TRERF1: variants seen among roughly 807,000 people sequenced by gnomAD.
The protein encoded by TRERF1 is transcriptional regulating factor 1, also known as transcriptional-regulating factor 1.
In TRERF1, 27 loss-of-function variants were observed where a neutral mutation model predicts 122.9. That is an observed-to-expected ratio of 0.22 (90% confidence interval 0.16 to 0.30). TRERF1 has a LOEUF of 0.30. Ranked by LOEUF, TRERF1 falls within the 10% of genes least tolerant of loss-of-function variation. The pLI, the probability that TRERF1 is intolerant of heterozygous loss-of-function variation, is 1.00. For missense variants in TRERF1, 1,248 were observed against 1,560.3 expected (o/e 0.80, Z 3.37); for synonymous variants, 636 against 641.7 (o/e 0.99, Z 0.13).
chr6:42,446,669 T>C (rs1386204895), intron 2 of TRERF1, among the ~76,000 whole-genome samples: 2 of 152,126 alleles, frequency 1.3e-5, no homozygotes, highest in Admixed American at 6.5e-5. Context: ...AGCTGCCGCA[T>C]GTATGAAAGA....
At chr6:42,305,565 G>A (rs13201079) in intron 3 of TRERF1, among the ~76,000 whole-genome samples, 4,441 of 152,198 alleles carry the variant, frequency 0.029, 67 homozygotes, top group Non-Finnish European at 0.036. Context: ...CCACAAGGCC[G>A]TTGAAAGGAA....
At chr6:42,229,915 G>A (rs1471396642) in intron 17 of TRERF1, among the ~76,000 whole-genome samples, 1 of 152,190 alleles carries the variant, frequency 6.6e-6, no homozygotes, top group Non-Finnish European at 1.5e-5. Context: ...CAATGTTGAT[G>A]GCCGTTTCTG....
At chr6:42,315,628 T>C (rs988810211) in intron 3 of TRERF1, among the ~76,000 whole-genome samples, 1 of 151,912 alleles carries the variant, frequency 6.6e-6, no homozygotes, top group African/African-American at 2.4e-5. Context: ...AGGGGGGCCA[T>C]CGGGCTGTCT....
At chr6:42,415,009 T>G (rs979668153) in intron 2 of TRERF1, among the ~76,000 whole-genome samples, 5 of 152,254 alleles carry the variant, frequency 3.3e-5, no homozygotes, top group Non-Finnish European at 7.3e-5. Flanking sequence ...ATCCATTTAC[T>G]CTCACCAGCA....
chr6:42,269,764 C>G lies in TRERF1; in HGVS notation c.-174G>C. On this transcript the variant is annotated 5_prime_UTR_variant, in exon 5 of 18. An upstream start codon of the reference 5' UTR is lost. Transcript: ENST00000372922. This position sits in a 1 kb window ranked among gnomAD's most constrained non-coding sequence, Gnocchi z 4.9. ...GGTGTTCCTGTTGGCCTGTACCACT[C>G]ATGTGCAGGGCGGGGGGTTTCACAT... 7.0e-7 allele frequency: 1 copy of G among 1,437,646 alleles called. No individual in the cohort carries two copies. The highest frequency in any genetic ancestry group is 1.4e-5 in the African/African-American group (1 of 69,856). The allele number at this position is 1,437,646 out of a possible 1,614,324, so 89.1% of individuals were successfully genotyped here.
chr6:42,281,801 C>T (rs1013563387), intron 4 of TRERF1, among the ~76,000 whole-genome samples: 1 of 152,162 alleles, frequency 6.6e-6, no homozygotes, highest in Non-Finnish European at 1.5e-5. Context: ...AGAACAGCAA[C>T]GATGGCTAAC....
In TRERF1 at chr6:42,360,771, T is replaced by TTA. The variant is rs1771584468; in HGVS notation, c.-371+2225_-371+2226insTA. On this transcript the variant is annotated intron_variant, in intron 3 of 17. Transcript: ENST00000372922. ...CCCAGGGAGGAAGGAGTGGAGAGAT[T>TTA]AAAAAAAAAAAAAAAAAAAAAAAAA... Among the ~76,000 whole-genome samples the TTA allele has an allele frequency of 1.4e-4, 5 of 36,450 alleles. No individual in the cohort carries two copies. The South Asian group carries it at 6.8e-3, about 49-fold the overall frequency. The allele number at this position is 36,450 out of a possible 152,430, so 23.9% of individuals were successfully genotyped here. A position where few individuals can be genotyped will look rare whatever the true frequency, so the allele number is the denominator to read the frequency against.
chr6:42,312,651 C>T (rs1243242818), intron 3 of TRERF1, among the ~76,000 whole-genome samples: 1 of 152,188 alleles, frequency 6.6e-6, no homozygotes, highest in Non-Finnish European at 1.5e-5. Flanking sequence ...GATACAGATG[C>T]TCCATCCTCC....
chr6:42,390,311 G>A (rs1046413408), intron 2 of TRERF1, among the ~76,000 whole-genome samples: 4 of 151,166 alleles, frequency 2.6e-5, no homozygotes, highest in Non-Finnish European at 5.9e-5. Context: ...TGTGTGTGGA[G>A]GGGGAGTCAC....
intron 3 of TRERF1, among the ~76,000 whole-genome samples, chr6:42,305,221 AC>A (rs1786977605): frequency 6.6e-6 from 1 of 152,008 alleles, no homozygotes; most frequent in South Asian, 2.1e-4. Flanking sequence ...TTATCCCATC[AC>A]CCTGCCTCCT....
At position 42,236,292 on chromosome 6, in the gene TRERF1, G is replaced by T. The variant is rs375569710; in HGVS notation, c.2979C>A (p.Pro993=). ...GCGGCCCCTCCGTGGGAGCCAGGAC[G>T]GGGACGGGTGGTGGCTCCGGGGACT... Residue 993 remains proline (P), a synonymous_variant, in exon 16 of 18, where the codon CCC becomes CCA. Transcript: ENST00000372922. 12 of 1,611,310 alleles carry T rather than the reference G, an allele frequency of 7.4e-6. No homozygotes were observed. The South Asian group carries it at 1.2e-4, about 16-fold the overall frequency.
At chr6:42,400,181 T>G (rs1328165817) in intron 2 of TRERF1, among the ~76,000 whole-genome samples, 2 of 152,126 alleles carry the variant, frequency 1.3e-5, no homozygotes, top group Non-Finnish European at 2.9e-5. Context: ...ATACTCCTGG[T>G]CCCAGTCACA....
At position 42,334,507 on chromosome 6, in the gene TRERF1, G is replaced by T. The variant is rs191261801; in HGVS notation, c.-371+28490C>A. On this transcript the variant is annotated intron_variant, in intron 3 of 17. Transcript: ENST00000372922. ...GCAAGTCGTGGTGATATTTTGATTTGGTTAGCAAAAAAAGTGTCTCTGGGA... is the reference window on the plus strand; with the variant it reads ...GCAAGTCGTGGTGATATTTTGATTTTGTTAGCAAAAAAAGTGTCTCTGGGA... Among the ~76,000 whole-genome samples the T allele has an allele frequency of 1.5e-3, 235 of 152,144 alleles. 1 individual carries two copies. Among genetic ancestry groups the T allele is most frequent in the Non-Finnish European group, 1.8e-3 (122 of 67,990 alleles).
chr6:42,318,026 C>A (rs956988853), intron 3 of TRERF1, among the ~76,000 whole-genome samples: 1 of 151,812 alleles, frequency 6.6e-6, no homozygotes, highest in African/African-American at 2.4e-5. Context: ...TGGTGGCAGG[C>A]GCCTGTAATC....
chr6:42,358,085 T>A (rs747833172), intron 3 of TRERF1, among the ~76,000 whole-genome samples: 14 of 151,944 alleles, frequency 9.2e-5, no homozygotes, highest in Non-Finnish European at 1.8e-4. Flanking sequence ...ATGTGGGGGG[T>A]TGGGGGTGGG....
chr6:42,394,971 G>A lies in TRERF1; in HGVS notation c.-453-31892C>T, dbSNP rs183212715. Among the ~76,000 whole-genome samples the A allele has an allele frequency of 1.6e-3, 236 of 152,242 alleles. 1 individual carries two copies. Among genetic ancestry groups the A allele is most frequent in the African/African-American group, 5.3e-3 (221 of 41,530 alleles). On this transcript the variant is annotated intron_variant, in intron 2 of 17. Transcript: ENST00000372922. ...TCGTTTAAATTTAGGCACCCACCAG[G>A]CAAACTGTACCCAGCCACATTCTCT...
intron 2 of TRERF1, among the ~76,000 whole-genome samples, chr6:42,422,013 C>T (rs1008403505): frequency 6.7e-6 from 1 of 149,324 alleles, no homozygotes; most frequent in Admixed American, 6.7e-5. Flanking sequence ...ACTAAAAATA[C>T]AAAAAAAATT....
chr6:42,336,285 T>C (rs1766152466), intron 3 of TRERF1, among the ~76,000 whole-genome samples: 1 of 152,118 alleles, frequency 6.6e-6, no homozygotes, highest in Non-Finnish European at 1.5e-5. Flanking sequence ...CAGGAGCACC[T>C]GTTCTTCTTT....
exon 13 of TRERF1, chr6:42,254,902 G>A (rs988927395): frequency 4.3e-6 from 7 of 1,614,058 alleles, no homozygotes; most frequent in Non-Finnish European, 5.9e-6. Context: ...ACAGGCTTCC[G>A]CAGTAGCAGC....
Sources: gnomAD v4.1 joint callset for allele counts (sites outside exome capture counted in the v4.1 genomes callset) on GRCh38, gnomAD v4.1.1 for gene constraint, Gnocchi (gnomAD v3.1) non-coding constraint, MANE v1.5 for transcripts, NCBI Gene and HGNC (gene_info 2026-07-23, HGNC 2026-07-21) for gene names.